The following PALM2AKAP2 variants were observed in gnomAD, a reference collection of about 807,000 sequenced individuals.
PALM2AKAP2 encodes PALM2-AKAP2 fusion protein.
In PALM2AKAP2, 37 loss-of-function variants were observed where a neutral mutation model predicts 71.5. That is an observed-to-expected ratio of 0.52 (90% CI 0.40 to 0.68). The LOEUF (loss-of-function observed/expected upper bound fraction) is 0.68. Among genes scored for constraint, PALM2AKAP2 ranks in the 30% least tolerant of loss-of-function variants. The pLI is 0.00. For synonymous variants in PALM2AKAP2, 468 were observed against 478.8 expected, an observed-to-expected ratio of 0.98 and a Z score of 0.29; for missense variants, 1,224 against 1,191.8, an observed-to-expected ratio of 1.03 and a Z score of -0.40.
chr9:110,080,538 T>C (rs1210876896), intron 1 of PALM2AKAP2, among the ~76,000 whole-genome samples: 14 of 152,210 alleles, frequency 9.2e-5, no homozygotes, highest in Admixed American at 7.2e-4. Flanking sequence ...GTGGCTCACA[T>C]AGGAAATCTG....
chr9:110,067,571 TAAAA>T (rs1389773342), intron 1 of PALM2AKAP2, among the ~76,000 whole-genome samples: 2 of 152,158 alleles, frequency 1.3e-5, no homozygotes, highest in South Asian at 4.1e-4. Context: ...ACAGTCCTCT[TAAAA>T]AAGGCATCAA....
At chr9:109,868,674 T>G (rs1829524454) in intron 2 of PALM2AKAP2, among the ~76,000 whole-genome samples, 1 of 152,226 alleles carries the variant, frequency 6.6e-6, no homozygotes, top group Admixed American at 6.5e-5. Flanking sequence ...ATGACCTATA[T>G]CTGCTTAGCA....
upstream of PALM2AKAP2, among the ~76,000 whole-genome samples, chr9:109,778,767 C>CTTT (rs1264765602): frequency 2.3e-5 from 2 of 87,664 alleles, no homozygotes; most frequent in Non-Finnish European, 4.9e-5. Context: ...ATTTGATGTG[C>CTTT]ATTTTTTTTT....
intron 1 of PALM2AKAP2, among the ~76,000 whole-genome samples, chr9:109,861,594 G>A (rs967545747): frequency 1.3e-5 from 2 of 152,092 alleles, no homozygotes; most frequent in East Asian, 1.9e-4. Context: ...TTGAGATCAC[G>A]TCATTCCAGA....
At chr9:109,959,289 G>A (rs1831807584) in intron 6 of PALM2AKAP2, among the ~76,000 whole-genome samples, 1 of 152,150 alleles carries the variant, frequency 6.6e-6, no homozygotes, top group African/African-American at 2.4e-5. Flanking sequence ...TAATAGCTCT[G>A]TGTCTTTGGG....
intron 1 of PALM2AKAP2, among the ~76,000 whole-genome samples, chr9:109,687,588 C>T (rs1827822890): frequency 6.6e-6 from 1 of 152,208 alleles, no homozygotes; most frequent in Non-Finnish European, 1.5e-5. Flanking sequence ...GAGCCTTGAT[C>T]TGGATTAGGC....
chr9:109,835,676 C>T (rs1828451812), intron 1 of PALM2AKAP2, among the ~76,000 whole-genome samples: 1 of 152,192 alleles, frequency 6.6e-6, no homozygotes, highest in Non-Finnish European at 1.5e-5. Context: ...GGGTCACTCC[C>T]ACCCTAATAC....
intron 1 of PALM2AKAP2, among the ~76,000 whole-genome samples, chr9:109,757,850 A>G (rs887208482): frequency 3.3e-5 from 5 of 152,092 alleles, no homozygotes; most frequent in African/African-American, 9.7e-5. Context: ...TGATTTATCT[A>G]TGTAACTTTT....
intron 1 of PALM2AKAP2, among the ~76,000 whole-genome samples, chr9:109,748,970 G>A (rs1318944642): frequency 6.6e-6 from 1 of 152,118 alleles, no homozygotes; most frequent in Non-Finnish European, 1.5e-5. Context: ...ATCTCATTGT[G>A]ACTTAATTGC....
At chr9:110,015,181 A>G (rs747613879) in intron 6 of PALM2AKAP2, among the ~76,000 whole-genome samples, 3 of 152,168 alleles carry the variant, frequency 2.0e-5, no homozygotes, top group Non-Finnish European at 2.9e-5. Context: ...ATATATTGAG[A>G]ACACAGAAAA....
chr9:109,858,196 C>G (rs1300753483), intron 1 of PALM2AKAP2, among the ~76,000 whole-genome samples: 2 of 152,178 alleles, frequency 1.3e-5, no homozygotes, highest in African/African-American at 4.8e-5. Flanking sequence ...GACCCTGTCT[C>G]TTTATCTTCC....
At chr9:109,789,222 A>C (rs115704452) in intron 1 of PALM2AKAP2, among the ~76,000 whole-genome samples, 4,808 of 152,242 alleles carry the variant, frequency 0.032, 94 homozygotes, top group Non-Finnish European at 0.036. Context: ...TGACAGCCCC[A>C]TTGAGAGAGG....
intron 1 of PALM2AKAP2, among the ~76,000 whole-genome samples, chr9:110,104,068 C>T (rs1835059936): frequency 6.6e-6 from 1 of 151,874 alleles, no homozygotes; most frequent in Non-Finnish European, 1.5e-5. Context: ...TGAGTGCCCC[C>T]CAGGGAGTTC....
At chr9:109,742,617 G>C (rs1410703621) in intron 1 of PALM2AKAP2, among the ~76,000 whole-genome samples, 1 of 152,090 alleles carries the variant, frequency 6.6e-6, no homozygotes, top group Non-Finnish European at 1.5e-5. Flanking sequence ...TCCACTTGAG[G>C]TTGTTAGTCT....
At chr9:109,640,900 T>G (rs1163218226) in intron 1 of PALM2AKAP2, 45 of 1,507,160 alleles carry the variant, frequency 3.0e-5, no homozygotes, top group Non-Finnish European at 3.7e-5. Flanking sequence ...CCAGCTGCTC[T>G]CCTCTCGGCA....
At chr9:109,828,093 T>C (rs1474950551) in intron 1 of PALM2AKAP2, among the ~76,000 whole-genome samples, 2 of 152,168 alleles carry the variant, frequency 1.3e-5, no homozygotes, top group East Asian at 3.8e-4. Flanking sequence ...AGGTCAGTAG[T>C]GTCACTGGCA....
At chr9:109,680,891 A>G (rs899668725) in intron 1 of PALM2AKAP2, among the ~76,000 whole-genome samples, 3 of 152,226 alleles carry the variant, frequency 2.0e-5, no homozygotes, top group Non-Finnish European at 4.4e-5. Flanking sequence ...AATGAAAGTA[A>G]ATATATAATT....
Position 109,666,851 on chromosome 9 carries a change from A to G in PALM2AKAP2, c.5+25985A>G, listed in dbSNP as rs112557139. ...AGAGCCAGCCCACCAAAGAAGCACA[A>G]CAGGAACAAAGCAGTTAGATGTGTT... On this transcript the variant is annotated intron_variant, in intron 1 of 6. Transcript: ENST00000374531. Among the ~76,000 whole-genome samples the G allele has an allele frequency of 4.1e-3, 620 of 152,358 alleles. 2 individuals carry two copies. Among genetic ancestry groups the G allele is most frequent in the Middle Eastern group, 0.031 (9 of 294 alleles).
rs187151776 is a variant in PALM2AKAP2 at position 109,882,357 on chromosome 9, T to C, written c.257+1676T>C. ...CCTACTTTGCTTAGGTCCTCACATG[T>C]CTTAAAGAGCTTTCAGAGCAGCTTG... On this transcript the variant is annotated intron_variant, in intron 3 of 9. Coordinates refer to the PALM2AKAP2 transcript ENST00000302798. 2.8e-4 allele frequency among the ~76,000 whole-genome samples: 42 copies of C among 152,266 alleles called. 1 individual carries two copies. The East Asian group carries it at 8.1e-3, about 29-fold the overall frequency.
Sources: allele counts gnomAD v4.1 joint callset (sites outside exome capture counted in the v4.1 genomes callset), GRCh38; gene constraint gnomAD v4.1.1; transcripts MANE v1.5; gene names NCBI Gene and HGNC (gene_info 2026-07-23, HGNC 2026-07-21).